Variants in HAUS7 observed in about 807,000 individuals in gnomAD.
HAUS7 encodes HAUS augmin like complex subunit 7.
A neutral mutation model predicts 28.4 loss-of-function variants in HAUS7; 3 were observed. The ratio of observed to expected loss-of-function variants is 0.11; its 90% confidence interval spans 0.05 to 0.27. HAUS7 has a LOEUF of 0.27. Among genes scored for constraint, HAUS7 ranks in the 10% least tolerant of loss-of-function variants. The pLI, the probability that HAUS7 is intolerant of heterozygous loss-of-function variation, is 1.00. For synonymous variants in HAUS7, 165 were observed against 132.1 expected (o/e 1.25, Z -1.71); for missense variants, 284 against 297.3 (o/e 0.96, Z 0.33).
intron 3 of HAUS7, 143 bp from the exon 4 acceptor site, chrX:153,462,814 C>A: frequency 4.0e-6 from 2 of 502,866 alleles, no homozygotes; most frequent in South Asian, 5.7e-5. Flanking sequence ...CAGGTGCCAG[C>A]GCTGCCTCTT....
At chrX:153,455,836 T>A in intron 7 of HAUS7, 70 bp from the exon 8 acceptor site, 1 of 622,843 alleles carries the variant, frequency 1.6e-6, no homozygotes, top group Non-Finnish European at 2.6e-6. Context: ...GGCCCTCACC[T>A]CAGACACTGC....
At chrX:153,483,865 C>T (rs899745489) in intron 1 of HAUS7, among the ~76,000 whole-genome samples, 5 of 111,682 alleles carry the variant, frequency 4.5e-5, no homozygotes, top group Non-Finnish European at 7.5e-5. Context: ...GCTGGCCCGA[C>T]GATGGGTGCA....
chrX:153,455,038 G>T, intron 8 of HAUS7: 3 of 1,021,127 alleles, frequency 2.9e-6, no homozygotes, highest in Non-Finnish European at 3.9e-6. Context: ...GGCTTTTTAG[G>T]TTGGCCTCTG....
At chrX:153,450,043 C>T (rs2089219350) in intron 9 of HAUS7, among the ~76,000 whole-genome samples, 1 of 111,910 alleles carries the variant, frequency 8.9e-6, no homozygotes, top group African/African-American at 3.3e-5. Context: ...CATGGGGCTG[C>T]TTTTCGAGCC....
intron 1 of HAUS7, among the ~76,000 whole-genome samples, chrX:153,492,611 AG>A (rs2089678069): frequency 9.0e-6 from 1 of 111,545 alleles, no homozygotes; most frequent in Non-Finnish European, 1.9e-5. Flanking sequence ...TCCCCCAAGC[AG>A]GGTGTCGCCT....
At chrX:153,453,590 A>G (rs782769808) in intron 9 of HAUS7, among the ~76,000 whole-genome samples, 2 of 110,647 alleles carry the variant, frequency 1.8e-5, no homozygotes, top group Admixed American at 1.9e-4. Context: ...ATAGAATGGA[A>G]CAGAGGAGAA....
At chrX:153,457,322 G>A in intron 4 of HAUS7, 94 bp from the exon 5 acceptor site, 1 of 571,370 alleles carries the variant, frequency 1.8e-6, no homozygotes, top group East Asian at 3.6e-5. Flanking sequence ...TGCCACCCAT[G>A]CCAGGAGCCA....
intron 1 of HAUS7, among the ~76,000 whole-genome samples, chrX:153,488,936 C>T (rs1295366904): frequency 5.3e-5 from 6 of 112,615 alleles, no homozygotes; most frequent in Non-Finnish European, 1.1e-4. Flanking sequence ...TTCTCAGAGC[C>T]TCGGCGGGGG....
chrX:153,456,320 T>C lies in HAUS7; in HGVS notation c.650A>G (p.Glu217Gly). 1.7e-6 allele frequency: 2 copies of C among 1,211,289 alleles called. No homozygotes were observed. The highest frequency in any genetic ancestry group is 2.2e-6 in the Non-Finnish European group (2 of 895,114). ...AKSEEEEKLA[E>G]LARQLQESAA... ...ACTCTCCTGCAGCTGCCTGGCAAGCTCCGCCAGCTTCTCCTCCTCCTCGGA... is the reference window on the plus strand; with the variant it reads ...ACTCTCCTGCAGCTGCCTGGCAAGCCCCGCCAGCTTCTCCTCCTCCTCGGA... The change falls in exon 7 of 10, where the codon GAG becomes GGG. Residue 217 changes from glutamate to glycine, a missense_variant. Physicochemically the swap from Glu to Gly is moderately conservative, Grantham distance 98. Coordinates refer to ENST00000370211, the MANE Select transcript of HAUS7 (RefSeq NM_001385482.1).
intron 1 of HAUS7, chrX:153,483,570 G>A: frequency 1.7e-6 from 1 of 578,236 alleles, no homozygotes; most frequent in Non-Finnish European, 2.1e-6. Context: ...CGGAGCCCCA[G>A]AGAGGGCCAG....
chrX:153,459,854 A>C (rs2089365397), intron 4 of HAUS7, among the ~76,000 whole-genome samples: 1 of 112,027 alleles, frequency 8.9e-6, no homozygotes, highest in Non-Finnish European at 1.9e-5. Flanking sequence ...CCTCTCTACA[A>C]AAATTTTAAA....
chrX:153,463,844 C>G (rs1556983850), intron 3 of HAUS7, among the ~76,000 whole-genome samples: 1 of 112,877 alleles, frequency 8.9e-6, no homozygotes, highest in Non-Finnish European at 1.9e-5. Context: ...AAGACAGCAC[C>G]ACCCTTTCCC....
chrX:153,487,713 G>C (rs781805638), intron 1 of HAUS7, among the ~76,000 whole-genome samples: 1 of 112,664 alleles, frequency 8.9e-6, no homozygotes, highest in South Asian at 3.6e-4. Flanking sequence ...ACTGGGCAAG[G>C]ACCACCCCTG....
At chrX:153,470,759 A>G, upstream of HAUS7, 1 of 522,497 alleles carries the variant, frequency 1.9e-6, no homozygotes, top group Non-Finnish European at 3.1e-6. Context: ...GCAGGACCAC[A>G]GTGAAGCGGG....
chrX:153,467,826 G>A (rs2089472455), intron 2 of HAUS7, among the ~76,000 whole-genome samples: 1 of 112,785 alleles, frequency 8.9e-6, no homozygotes, highest in Non-Finnish European at 1.9e-5. Flanking sequence ...ACAGGTTGAG[G>A]GCTCCAGCAG....
At chrX:153,468,153 T>A (rs1352964999) in intron 2 of HAUS7, among the ~76,000 whole-genome samples, 1 of 112,333 alleles carries the variant, frequency 8.9e-6, no homozygotes, top group African/African-American at 3.2e-5. Flanking sequence ...TCCTCCTTCC[T>A]CTGGGGGCCT....
intron 2 of HAUS7, among the ~76,000 whole-genome samples, chrX:153,465,789 G>A (rs1318661457): frequency 2.7e-5 from 3 of 111,836 alleles, no homozygotes; most frequent in African/African-American, 6.5e-5. Context: ...CCTCCTTCAG[G>A]GGAGCACAGC....
intron 2 of HAUS7, among the ~76,000 whole-genome samples, chrX:153,466,189 G>C (rs1556984266): frequency 1.8e-5 from 2 of 112,889 alleles, no homozygotes; most frequent in Non-Finnish European, 3.8e-5. Flanking sequence ...AAGGAAGGGG[G>C]AGGCCAGCAG....
intron 8 of HAUS7, 27 bp from the exon 9 acceptor site, chrX:153,454,535 AGGG>A: frequency 3.3e-5 from 3 of 91,870 alleles, no homozygotes. Flanking sequence ...GGAGGGAGGG[AGGG>A]AGGGAGGGAG....
Sources: gnomAD v4.1 joint callset for allele counts (sites outside exome capture counted in the v4.1 genomes callset) on GRCh38, gnomAD v4.1.1 for gene constraint, MANE v1.5 for transcripts, NCBI Gene and HGNC (gene_info 2026-07-23, HGNC 2026-07-21) for gene names.